The following GPR176 variants were observed in gnomAD, a reference collection of about 807,000 sequenced individuals.
The protein encoded by GPR176 is G protein-coupled receptor 176.
GPR176 carries 26 observed loss-of-function variants against 35.4 expected under a neutral mutation model. That is an observed-to-expected ratio of 0.74 (90% confidence interval 0.54 to 1.02). The LOEUF (loss-of-function observed/expected upper bound fraction) is 1.02, where lower values mean the gene tolerates loss of function less well. GPR176 is among the 50% of genes least tolerant of loss of function. The probability of loss-of-function intolerance (pLI) is 0.00; values close to 1 mark genes in which losing one functional copy is unlikely to be tolerated. For synonymous variants in GPR176, 278 were observed against 271.3 expected (o/e 1.02, Z -0.24); for missense variants, 597 against 665.3 (o/e 0.90, Z 1.13).
chr15:39,801,035 G>T lies in GPR176; in HGVS notation c.*97C>A. 1 of 1,028,632 alleles carries T rather than the reference G, an allele frequency of 9.7e-7. No individual in the cohort carries two copies. 63.7% of individuals were successfully genotyped at this position (1,028,632 alleles called of 1,614,324 possible). On this transcript the variant is annotated 3_prime_UTR_variant, in exon 3 of 3. Transcript: ENST00000561100. ...TATTGGAGGAATCAACTCACACTGA[G>T]TTGCAAGGAGATCATACAATCACAT...
chr15:39,830,256 TA>T (rs1200646076), intron 1 of GPR176, among the ~76,000 whole-genome samples: 1 of 152,214 alleles, frequency 6.6e-6, no homozygotes, highest in Non-Finnish European at 1.5e-5. Flanking sequence ...TTTATTAATT[TA>T]TTAGACTGCA....
intron 1 of GPR176, among the ~76,000 whole-genome samples, chr15:39,887,754 A>G (rs17646847): frequency 0.039 from 5,881 of 152,278 alleles, 146 homozygotes; most frequent in Non-Finnish European, 0.059. Flanking sequence ...AAGCGGAAAG[A>G]TTCAAAGTTC....
intron 1 of GPR176, among the ~76,000 whole-genome samples, chr15:39,861,861 G>A (rs1428686593): frequency 6.6e-6 from 1 of 152,196 alleles, no homozygotes; most frequent in Non-Finnish European, 1.5e-5. Context: ...GACGACTGTT[G>A]CAGGTCTTTA....
intron 1 of GPR176, among the ~76,000 whole-genome samples, chr15:39,908,622 AG>A (rs2140876263): frequency 1.3e-5 from 2 of 151,204 alleles, no homozygotes; most frequent in East Asian, 3.9e-4. Flanking sequence ...CAGGCCCTCC[AG>A]GGATACAAAC....
intron 1 of GPR176, among the ~76,000 whole-genome samples, chr15:39,914,821 G>A (rs567108019): frequency 6.6e-6 from 1 of 152,250 alleles, no homozygotes; most frequent in Non-Finnish European, 1.5e-5. Flanking sequence ...GGAACTCCAA[G>A]AATAATCCAG....
At chr15:39,814,362 A>T (rs1481056690) in intron 1 of GPR176, among the ~76,000 whole-genome samples, 2 of 152,172 alleles carry the variant, frequency 1.3e-5, no homozygotes, top group Admixed American at 1.3e-4. Flanking sequence ...ATCCATTCTC[A>T]ATTCATCTGG....
At chr15:39,907,803 T>C (rs903710801) in intron 1 of GPR176, among the ~76,000 whole-genome samples, 2 of 152,142 alleles carry the variant, frequency 1.3e-5, no homozygotes, top group East Asian at 1.9e-4. Flanking sequence ...AAACTATTTA[T>C]ATATAAAAAG....
intron 1 of GPR176, among the ~76,000 whole-genome samples, chr15:39,852,057 G>A (rs1399781440): frequency 2.0e-5 from 3 of 152,132 alleles, no homozygotes; most frequent in South Asian, 2.1e-4. Context: ...CTGAAGGAAA[G>A]GTCCTACATA....
intron 1 of GPR176, among the ~76,000 whole-genome samples, chr15:39,848,915 T>TAAAAAAAAAAAAACCAAAAAAAAAAAAAA (rs2030644818): frequency 2.4e-5 from 2 of 84,858 alleles, no homozygotes; most frequent in African/African-American, 4.6e-5. Flanking sequence ...AAAAGCAAAG[T>TAAAAAAAAAAAAACCAAAAAAAAAAAAAA]AAAAAAAAAA....
intron 1 of GPR176, among the ~76,000 whole-genome samples, chr15:39,815,891 T>A (rs1309410426): frequency 1.3e-5 from 2 of 152,176 alleles, no homozygotes; most frequent in Non-Finnish European, 2.9e-5. Context: ...AGATGTGGAA[T>A]CAACCTGTGT....
At chr15:39,878,663 T>C (rs905980398) in intron 1 of GPR176, among the ~76,000 whole-genome samples, 3 of 152,214 alleles carry the variant, frequency 2.0e-5, no homozygotes, top group Admixed American at 6.5e-5. Flanking sequence ...CTGGATCATA[T>C]GGTAGTTCTG....
chr15:39,867,493 T>G (rs1041614271), intron 1 of GPR176, among the ~76,000 whole-genome samples: 6 of 149,906 alleles, frequency 4.0e-5, no homozygotes, highest in Admixed American at 6.7e-5. Context: ...GGAGGGGAGG[T>G]GAGGGGCAAG....
intron 1 of GPR176, among the ~76,000 whole-genome samples, chr15:39,917,806 G>C (rs1385447372): frequency 1.3e-5 from 2 of 151,944 alleles, no homozygotes; most frequent in Non-Finnish European, 2.9e-5. Flanking sequence ...CAGCACTTTG[G>C]GAGGCCAAGG....
At chr15:39,868,761 C>T (rs1418742328) in intron 1 of GPR176, among the ~76,000 whole-genome samples, 2 of 152,082 alleles carry the variant, frequency 1.3e-5, no homozygotes, top group East Asian at 3.8e-4. Flanking sequence ...TCTCAGTAAC[C>T]ATCAGCTTCC....
chr15:39,832,654 AACACAC>A lies in GPR176; in HGVS notation c.173-25402_173-25397del, dbSNP rs112693906. On this transcript the variant is annotated intron_variant, in intron 1 of 2. Coordinates refer to ENST00000561100, the MANE Select transcript of GPR176 (RefSeq NM_007223.3). ...AACGCTAATGATAGCTGATGAGCTAAACACACACACACACACACACACACACACACA... is the reference window on the plus strand; with the variant it reads ...AACGCTAATGATAGCTGATGAGCTAAACACACACACACACACACACACACA... Among the ~76,000 whole-genome samples, 1,346 of 145,228 alleles carry A rather than the reference AACACAC, an allele frequency of 9.3e-3. 11 individuals are homozygous for A. The highest frequency in any genetic ancestry group is 0.016 in the South Asian group (70 of 4,370).
chr15:39,838,872 A>C (rs1901571939), intron 1 of GPR176, among the ~76,000 whole-genome samples: 1 of 152,188 alleles, frequency 6.6e-6, no homozygotes, highest in Admixed American at 6.6e-5. Context: ...GTATTCTATC[A>C]GGAAAAGAGG....
At chr15:39,888,807 T>A (rs2032762668) in intron 1 of GPR176, among the ~76,000 whole-genome samples, 2 of 152,170 alleles carry the variant, frequency 1.3e-5, no homozygotes, top group South Asian at 4.1e-4. Context: ...TCCAGAAGCT[T>A]ATCCACTCCA....
intron 1 of GPR176, among the ~76,000 whole-genome samples, chr15:39,819,261 A>G (rs1456068318): frequency 2.0e-5 from 3 of 152,212 alleles, no homozygotes; most frequent in African/African-American, 7.2e-5. Flanking sequence ...GCCCTTGCCT[A>G]TATTAAATTA....
intron 1 of GPR176, among the ~76,000 whole-genome samples, chr15:39,821,601 C>CAA (rs1900277252): frequency 6.6e-6 from 1 of 152,086 alleles, no homozygotes; most frequent in Non-Finnish European, 1.5e-5. Flanking sequence ...TGACATGCTG[C>CAA]AACTCTTTAA....
Sources: gnomAD v4.1 joint callset for allele counts (sites outside exome capture counted in the v4.1 genomes callset) on GRCh38, gnomAD v4.1.1 for gene constraint, MANE v1.5 for transcripts, NCBI Gene and HGNC (gene_info 2026-07-23, HGNC 2026-07-21) for gene names.